Variants in ATL3 observed in about 807,000 individuals in gnomAD.
ATL3 encodes the protein atlastin-3.
Under a neutral mutation model 69.5 loss-of-function variants are expected in ATL3, and 49 were observed. The ratio of observed to expected loss-of-function variants is 0.71; its 90% CI spans 0.56 to 0.89. The LOEUF (loss-of-function observed/expected upper bound fraction) is 0.89. Ranked by LOEUF, ATL3 falls within the 40% of genes least tolerant of loss-of-function variation. ATL3 has a pLI of 0.00. For synonymous variants in ATL3, 214 were observed against 224.1 expected, an observed-to-expected ratio of 0.95 and a Z score of 0.40; for missense variants, 606 against 645.7, an observed-to-expected ratio of 0.94 and a Z score of 0.67.
intron 9 of ATL3, 90 bp from the exon 10 acceptor site, chr11:63,635,680 A>C (rs1236535054): frequency 9.8e-7 from 1 of 1,021,884 alleles, no homozygotes. Flanking sequence ...ATACAACTGC[A>C]TTTTCCTAAA....
Position 63,633,055 on chromosome 11 carries a change from T to C in ATL3, c.1078A>G (p.Lys360Glu), listed in dbSNP as rs1238062432. ...TCCATGTTGTTATAATAAATGTCCT[T>C]GGCAGAGGCTGCAGCTGCTAAGTTG... ...ANNLAAAASA[K>E]DIYYNNMEEV... The change falls in exon 11 of 13, where the codon AAG (lysine) becomes GAG (glutamate). Residue 360 changes from lysine to glutamate, a missense_variant. Physicochemically the swap from Lys to Glu is moderately conservative, Grantham distance 56 (BLOSUM62 1). Transcript: ENST00000398868. 3 of 1,614,078 alleles carry C rather than the reference T, an allele frequency of 1.9e-6. No homozygotes were observed. The South Asian group carries it at 3.3e-5, about 18-fold the overall frequency.
chr11:63,648,492 G>A (rs1367600360), intron 5 of ATL3, among the ~76,000 whole-genome samples: 1 of 152,166 alleles, frequency 6.6e-6, no homozygotes, highest in Admixed American at 6.5e-5. Flanking sequence ...CTCTTAAATA[G>A]GTAGTCAAGG....
upstream of ATL3, chr11:63,671,586 A>C: frequency 7.0e-7 from 1 of 1,429,662 alleles, no homozygotes; most frequent in Non-Finnish European, 9.2e-7. Context: ...CGCACGCGGC[A>C]GAATCCCGCC....
chr11:63,632,430 T>A, intron 11 of ATL3: 1 of 839,078 alleles, frequency 1.2e-6, no homozygotes, highest in Non-Finnish European at 2.1e-6. Flanking sequence ...ACATTGTGAT[T>A]GCAAAAAGCC....
intron 8 of ATL3, among the ~76,000 whole-genome samples, chr11:63,638,216 C>T (rs1939582624): frequency 6.6e-6 from 1 of 152,140 alleles, no homozygotes; most frequent in Admixed American, 6.6e-5. Context: ...AGAACTATCT[C>T]ATAACAGAAA....
At position 63,626,153 on chromosome 11, in the gene ATL3, G is replaced by A. The variant is rs1186391239; in HGVS notation, c.*3166C>T. 6.6e-6 allele frequency: 1 copy of A among 151,962 alleles called. No individual in the cohort carries two copies. The highest frequency in any genetic ancestry group is 1.5e-5 in the Non-Finnish European group (1 of 68,042). The allele number at this position is 151,962 out of a possible 1,614,324, so 9.4% of individuals were successfully genotyped here. ...CCAGCACTTTGGGAGGCTGGGGGGAGTGGATCACCTGAGGTCAGGAGTTTG... is the reference window on the plus strand; with the variant it reads ...CCAGCACTTTGGGAGGCTGGGGGGAATGGATCACCTGAGGTCAGGAGTTTG... On this transcript the variant is annotated 3_prime_UTR_variant, in exon 13 of 13. Coordinates refer to ENST00000398868, the MANE Select transcript of ATL3 (RefSeq NM_015459.5).
At chr11:63,663,859 T>TAAA in intron 1 of ATL3, among the ~76,000 whole-genome samples, 1 of 152,298 alleles carries the variant, frequency 6.6e-6, no homozygotes, top group East Asian at 1.9e-4. Flanking sequence ...CCAACCCAAA[T>TAAA]TTATAGCTAG....
At chr11:63,670,921 GGGCGGGGCTC>G (rs1338665353) in intron 1 of ATL3, among the ~76,000 whole-genome samples, 2 of 152,156 alleles carry the variant, frequency 1.3e-5, no homozygotes, top group Non-Finnish European at 2.9e-5. Flanking sequence ...GCTCTGCCCA[GGGCGGGGCTC>G]GGCGGGGCCG....
intron 5 of ATL3, among the ~76,000 whole-genome samples, chr11:63,651,158 A>C (rs1940063882): frequency 6.6e-6 from 1 of 152,098 alleles, no homozygotes; most frequent in African/African-American, 2.4e-5. Flanking sequence ...TGCTGCTATA[A>C]AAAAAGAGAA....
At position 63,629,290 on chromosome 11, in the gene ATL3, T is replaced by TA. The variant is rs749214146; in HGVS notation, c.*28_*29insT. The TA allele has an allele frequency of 5.4e-5, 85 of 1,582,344 alleles. No homozygotes were observed. Among genetic ancestry groups the TA allele is most frequent in the Non-Finnish European group, 6.9e-5 (79 of 1,151,238 alleles). ...CCCAGAAATCAGTAGGGGCTTGTTG[T>TA]GTTCTTGTTTGATCTTCACGTTAAG... is the stretch of plus-strand genomic sequence containing the variant. On this transcript the variant is annotated 3_prime_UTR_variant, in exon 13 of 13. Transcript: ENST00000398868.
intron 5 of ATL3, among the ~76,000 whole-genome samples, chr11:63,651,401 G>A (rs1488796415): frequency 2.0e-5 from 3 of 149,242 alleles, no homozygotes; most frequent in East Asian, 2.0e-4. Context: ...GCAAGACTTC[G>A]TCTTAAAAAA....
At chr11:63,654,105 A>C (rs1443659243) in intron 3 of ATL3, among the ~76,000 whole-genome samples, 1 of 152,170 alleles carries the variant, frequency 6.6e-6, no homozygotes, top group Admixed American at 6.5e-5. Flanking sequence ...GGCAGGTTGC[A>C]ATTAATTTTC....
chr11:63,665,834 T>C (rs1940557488), intron 1 of ATL3, among the ~76,000 whole-genome samples: 1 of 151,006 alleles, frequency 6.6e-6, no homozygotes, highest in Non-Finnish European at 1.5e-5. Context: ...ACCACTGCAC[T>C]ACAATCAGGA....
At chr11:63,669,178 T>A (rs1940691553) in intron 1 of ATL3, among the ~76,000 whole-genome samples, 1 of 152,022 alleles carries the variant, frequency 6.6e-6, no homozygotes, top group Non-Finnish European at 1.5e-5. Flanking sequence ...GGAAAGCCTG[T>A]CTTCTAATCT....
chr11:63,662,907 G>T (rs186868587), intron 1 of ATL3, among the ~76,000 whole-genome samples: 2 of 151,896 alleles, frequency 1.3e-5, no homozygotes, highest in African/African-American at 4.8e-5. Flanking sequence ...AGGAGACATA[G>T]TAAGTAAAGC....
At chr11:63,648,630 G>A (rs1416555692) in intron 5 of ATL3, among the ~76,000 whole-genome samples, 1 of 152,260 alleles carries the variant, frequency 6.6e-6, no homozygotes, top group African/African-American at 2.4e-5. Context: ...CCAACATGGC[G>A]AAACCCTGTC....
intron 1 of ATL3, among the ~76,000 whole-genome samples, chr11:63,660,851 T>C (rs1940398000): frequency 6.6e-6 from 1 of 151,906 alleles, no homozygotes; most frequent in Non-Finnish European, 1.5e-5. Context: ...GATATATATA[T>C]ACACATATAT....
At position 63,629,341 on chromosome 11, in the gene ATL3, G is replaced by A. The variant is rs770541493; in HGVS notation, c.1604C>T (p.Ser535Phe). ...ATGCTATTGAGCTTTTTTATCCATGGATGGTCTTCCAACAACTGCATCCCT... is the reference window on the plus strand; with the variant it reads ...ATGCTATTGAGCTTTTTTATCCATGAATGGTCTTCCAACAACTGCATCCCT... ...TVRDAVVGRP[S>F]MDKKAQ The change falls in exon 13 of 13, where the codon TCC becomes TTC. Residue 535 changes from serine to phenylalanine, a missense_variant. Ser to Phe is a radical substitution (Grantham distance 155). Transcript: ENST00000398868. 2 of 1,614,070 alleles carry A rather than the reference G, an allele frequency of 1.2e-6. No homozygotes were observed. Among genetic ancestry groups the A allele is most frequent in the Non-Finnish European group, 1.7e-6 (2 of 1,179,956 alleles).
At chr11:63,661,486 G>A (rs1002776718) in intron 1 of ATL3, among the ~76,000 whole-genome samples, 5 of 152,152 alleles carry the variant, frequency 3.3e-5, no homozygotes, top group African/African-American at 7.2e-5. Flanking sequence ...ATCCACGCCT[G>A]TAATCCTAGC....
Sources: gnomAD v4.1 joint callset for allele counts (sites outside exome capture counted in the v4.1 genomes callset) on GRCh38, gnomAD v4.1.1 for gene constraint, MANE v1.5 for transcripts, NCBI Gene and HGNC (gene_info 2026-07-23, HGNC 2026-07-21) for gene names.